The following C1QTNF3 variants were observed in gnomAD, a reference collection of about 807,000 sequenced individuals.
C1QTNF3 encodes C1q and TNF related 3.
Under a neutral mutation model 32.6 loss-of-function variants are expected in C1QTNF3, and 26 were observed. That is an observed-to-expected ratio of 0.80 (90% CI 0.58 to 1.11). C1QTNF3 has a LOEUF of 1.11. C1QTNF3 is among the 50% of genes least tolerant of loss of function. The pLI, the probability that C1QTNF3 is intolerant of heterozygous loss-of-function variation, is 0.00. For synonymous variants in C1QTNF3, 155 were observed against 146.0 expected, an observed-to-expected ratio of 1.06 and a Z score of -0.44; for missense variants, 362 against 398.2, an observed-to-expected ratio of 0.91 and a Z score of 0.77.
the C1QTNF3 span, among the ~76,000 whole-genome samples, chr5:34,053,082 A>G: frequency 3.9e-5 from 6 of 152,224 alleles, no homozygotes; most frequent in Non-Finnish European, 8.8e-5. Flanking sequence ...AAACAGAGAT[A>G]AACATCTTAA....
the C1QTNF3 span, among the ~76,000 whole-genome samples, chr5:34,064,582 G>A: frequency 6.6e-6 from 1 of 152,180 alleles, no homozygotes; most frequent in African/African-American, 2.4e-5. Context: ...GCCTGATCAG[G>A]AGCAGCAATG....
At chr5:34,029,273 A>AT (rs936639617) in intron 3 of C1QTNF3, among the ~76,000 whole-genome samples, 3 of 149,728 alleles carry the variant, frequency 2.0e-5, no homozygotes, top group Non-Finnish European at 4.5e-5. Flanking sequence ...ACCCTGCATT[A>AT]TTTTTTCCCG....
At chr5:34,130,135 A>C in the C1QTNF3 span, among the ~76,000 whole-genome samples, 1 of 148,944 alleles carries the variant, frequency 6.7e-6, no homozygotes, top group Admixed American at 6.7e-5. Flanking sequence ...ATATATATAC[A>C]CACACACACA....
At chr5:34,229,097 A>G in the C1QTNF3 span, among the ~76,000 whole-genome samples, 2 of 152,168 alleles carry the variant, frequency 1.3e-5, no homozygotes, top group Non-Finnish European at 2.9e-5. Context: ...TGCTGCACGC[A>G]GGAAAGAAAG....
upstream of C1QTNF3, among the ~76,000 whole-genome samples, chr5:34,045,382 C>A (rs1482694464): frequency 6.6e-6 from 1 of 152,202 alleles, no homozygotes; most frequent in Non-Finnish European, 1.5e-5. Flanking sequence ...GTACTGGGGC[C>A]TGGGCAGTTT....
the C1QTNF3 span, among the ~76,000 whole-genome samples, chr5:34,241,880 A>AGGCCC: frequency 6.7e-6 from 1 of 149,588 alleles, no homozygotes; most frequent in African/African-American, 2.4e-5. Flanking sequence ...TGAAAGGGTG[A>AGGCCC]GGCCCTGTCT....
chr5:34,031,288 T>C (rs1340839865), intron 3 of C1QTNF3, among the ~76,000 whole-genome samples: 1 of 152,152 alleles, frequency 6.6e-6, no homozygotes, highest in Non-Finnish European at 1.5e-5. Context: ...ACCCAAATGA[T>C]TGTATTGTGA....
At chr5:34,220,475 T>C in the C1QTNF3 span, among the ~76,000 whole-genome samples, 1 of 150,458 alleles carries the variant, frequency 6.6e-6, no homozygotes, top group African/African-American at 2.5e-5. Context: ...ATAAAATCTA[T>C]AATGAGTTCA....
chr5:34,021,349 T>TAGGGTAAGAAAGGGA (rs1282701702), intron 5 of C1QTNF3, among the ~76,000 whole-genome samples: 6 of 152,188 alleles, frequency 3.9e-5, no homozygotes, highest in African/African-American at 1.4e-4. Flanking sequence ...CTAATGCCTG[T>TAGGGTAAGAAAGGGA]AGGGTAAGAA....
chr5:34,213,194 C>T, the C1QTNF3 span, among the ~76,000 whole-genome samples: 4 of 152,164 alleles, frequency 2.6e-5, no homozygotes, highest in African/African-American at 9.6e-5. Flanking sequence ...CAATAAGAGA[C>T]AGCATGTAAA....
chr5:34,175,587 A>G, the C1QTNF3 span: 1 of 424,716 alleles, frequency 2.4e-6, no homozygotes, highest in African/African-American at 2.0e-5. Flanking sequence ...ATCTCACTAT[A>G]GCAGACTCTC....
the C1QTNF3 span, among the ~76,000 whole-genome samples, chr5:34,179,417 G>A: frequency 6.6e-6 from 1 of 152,290 alleles, no homozygotes; most frequent in African/African-American, 2.4e-5. Context: ...GGGAGGTGGA[G>A]GTTGCAGTGA....
chr5:34,060,533 C>A, the C1QTNF3 span, among the ~76,000 whole-genome samples: 1 of 152,046 alleles, frequency 6.6e-6, no homozygotes, highest in Non-Finnish European at 1.5e-5. Flanking sequence ...AAAAACTTAC[C>A]CAAGACTGGG....
the C1QTNF3 span, among the ~76,000 whole-genome samples, chr5:34,195,524 A>G: frequency 6.6e-6 from 1 of 151,956 alleles, no homozygotes; most frequent in Non-Finnish European, 1.5e-5. Context: ...TCTGCTACAG[A>G]CTGCATGTTT....
intron 5 of C1QTNF3, among the ~76,000 whole-genome samples, chr5:34,022,012 G>C (rs945144956): frequency 6.6e-6 from 1 of 152,180 alleles, no homozygotes; most frequent in African/African-American, 2.4e-5. Context: ...TTGCCTTTCT[G>C]CCCAAATCGA....
intron 1 of C1QTNF3, among the ~76,000 whole-genome samples, chr5:34,041,468 G>A (rs1462559962): frequency 2.0e-5 from 3 of 152,082 alleles, no homozygotes; most frequent in Non-Finnish European, 2.9e-5. Context: ...ACCATCTGTT[G>A]GCCAAGAAGG....
the C1QTNF3 span, among the ~76,000 whole-genome samples, chr5:34,114,816 T>C: frequency 6.6e-6 from 1 of 151,494 alleles, no homozygotes; most frequent in African/African-American, 2.4e-5. Context: ...CACATCATTG[T>C]GCCCTGTGTC....
the C1QTNF3 span, among the ~76,000 whole-genome samples, chr5:34,094,071 G>C: frequency 6.6e-6 from 1 of 152,208 alleles, no homozygotes; most frequent in Non-Finnish European, 1.5e-5. Context: ...ACTGTGGTTT[G>C]AGAGGGTCCA....
the C1QTNF3 span, among the ~76,000 whole-genome samples, chr5:34,072,489 G>A: frequency 6.6e-6 from 1 of 152,262 alleles, no homozygotes; most frequent in Non-Finnish European, 1.5e-5. Flanking sequence ...GTAGAATACA[G>A]AGGTTTCCAG....
Sources: gnomAD v4.1 joint callset for allele counts (sites outside exome capture counted in the v4.1 genomes callset) on GRCh38, gnomAD v4.1.1 for gene constraint, MANE v1.5 for transcripts, NCBI Gene and HGNC (gene_info 2026-07-23, HGNC 2026-07-21) for gene names.